The following ELAVL2 variants were observed in gnomAD, a reference collection of about 807,000 sequenced individuals.
The protein encoded by ELAVL2 is ELAV-like protein 2.
A neutral mutation model predicts 34.6 loss-of-function variants in ELAVL2; 4 were observed. The observed-to-expected ratio is 0.12, with a 90% CI of 0.06 to 0.26. ELAVL2 has a LOEUF of 0.26. Among genes scored for constraint, ELAVL2 ranks in the 10% least tolerant of loss-of-function variants. ELAVL2 has a pLI of 1.00. For synonymous variants in ELAVL2, 193 were observed against 154.8 expected, an observed-to-expected ratio of 1.25 and a Z score of -1.83; for missense variants, 432 against 442.8, an observed-to-expected ratio of 0.98 and a Z score of 0.22.
intron 3 of ELAVL2, among the ~76,000 whole-genome samples, chr9:23,708,465 G>A (rs543084076): frequency 6.6e-6 from 1 of 152,204 alleles, no homozygotes; most frequent in South Asian, 2.1e-4. Context: ...TTCTCTTTCT[G>A]TGTCCTGGTC....
chr9:23,785,727 A>C (rs1205692434), intron 1 of ELAVL2, among the ~76,000 whole-genome samples: 1 of 152,190 alleles, frequency 6.6e-6, no homozygotes, highest in Admixed American at 6.5e-5. Flanking sequence ...ATCAATCTGT[A>C]AACAGGTATT....
intron 5 of ELAVL2, 70 bp downstream of exon 5, chr9:23,701,309 G>T: frequency 6.6e-7 from 1 of 1,520,556 alleles, no homozygotes; most frequent in Non-Finnish European, 9.1e-7. Flanking sequence ...GTCAATAAAA[G>T]TACTGGACAG....
chr9:23,776,739 CAAAAAA>C (rs34583759), intron 1 of ELAVL2, among the ~76,000 whole-genome samples: 1,208 of 77,706 alleles, frequency 0.016, 15 homozygotes, highest in African/African-American at 0.05. Context: ...AGTTTGCTAT[CAAAAAA>C]AAAAAAAAAA....
intron 1 of ELAVL2, among the ~76,000 whole-genome samples, chr9:23,818,325 A>C (rs2138416548): frequency 6.6e-6 from 1 of 152,344 alleles, no homozygotes; most frequent in African/African-American, 2.4e-5. Context: ...AAAGCTACGT[A>C]ATCTGTGGGT....
In ELAVL2 at chr9:23,695,520, T is replaced by C. The variant is rs868051956; in HGVS notation, c.714-2034A>G. Among the ~76,000 whole-genome samples the C allele has an allele frequency of 1.8e-4, 28 of 152,090 alleles. 1 individual carries two copies. Among genetic ancestry groups the C allele is most frequent in the Non-Finnish European group, 2.4e-4 (16 of 68,022 alleles). The stretch of plus-strand genomic sequence containing the variant: ...ATTACCGTCAGGCCTTTTTTAACAA[T>C]GGGGATATGTTCTGAAAATGTGTCA... On this transcript the variant is annotated intron_variant, in intron 5 of 6. Coordinates refer to ENST00000397312, the MANE Select transcript of ELAVL2 (RefSeq NM_004432.5).
intron 1 of ELAVL2, among the ~76,000 whole-genome samples, chr9:23,810,202 C>T (rs2062794514): frequency 6.6e-6 from 1 of 151,996 alleles, no homozygotes; most frequent in Non-Finnish European, 1.5e-5. Context: ...ATAACCAATC[C>T]ATACTTTGTA....
At chr9:23,739,484 T>G (rs2048645825) in intron 2 of ELAVL2, among the ~76,000 whole-genome samples, 1 of 152,158 alleles carries the variant, frequency 6.6e-6, no homozygotes, top group Non-Finnish European at 1.5e-5. Context: ...TTGGGTATGC[T>G]GCAACTTTCT....
At chr9:23,750,734 AAGT>A (rs779613647) in intron 2 of ELAVL2, among the ~76,000 whole-genome samples, 1 of 152,230 alleles carries the variant, frequency 6.6e-6, no homozygotes, top group Non-Finnish European at 1.5e-5. Context: ...GATACATTTA[AAGT>A]AGAATAAGAG....
intron 2 of ELAVL2, among the ~76,000 whole-genome samples, chr9:23,743,349 C>A (rs1564215989): frequency 6.6e-6 from 1 of 152,126 alleles, no homozygotes; most frequent in East Asian, 1.9e-4. Context: ...ATCACCTCAT[C>A]CAAAAGTTGA....
At chr9:23,819,545 T>G (rs1183566524) in intron 1 of ELAVL2, among the ~76,000 whole-genome samples, 1 of 151,988 alleles carries the variant, frequency 6.6e-6, no homozygotes, top group Non-Finnish European at 1.5e-5. Flanking sequence ...TGAATATAGC[T>G]GACTTGATTG....
intron 5 of ELAVL2, among the ~76,000 whole-genome samples, chr9:23,696,696 T>A (rs2035373039): frequency 1.3e-5 from 2 of 151,984 alleles, no homozygotes; most frequent in African/African-American, 2.4e-5. Flanking sequence ...GGTCTCGATC[T>A]CCTGACCTCG....
At chr9:23,750,555 T>C (rs2051694078) in intron 2 of ELAVL2, among the ~76,000 whole-genome samples, 1 of 152,092 alleles carries the variant, frequency 6.6e-6, no homozygotes, top group South Asian at 2.1e-4. Flanking sequence ...CAAAATCACT[T>C]GGCACCATGT....
chr9:23,754,874 G>A (rs532948003), intron 2 of ELAVL2, among the ~76,000 whole-genome samples: 2 of 152,278 alleles, frequency 1.3e-5, no homozygotes, highest in East Asian at 3.9e-4. Flanking sequence ...CCCATGGGAA[G>A]ATGTCTCTCT....
At chr9:23,726,187 G>T (rs991446325) in intron 3 of ELAVL2, among the ~76,000 whole-genome samples, 1 of 151,970 alleles carries the variant, frequency 6.6e-6, no homozygotes, top group Non-Finnish European at 1.5e-5. Context: ...TAGAATACAG[G>T]TTTCTTAGGT....
intron 1 of ELAVL2, among the ~76,000 whole-genome samples, chr9:23,820,093 C>T (rs1272662473): frequency 6.6e-6 from 1 of 152,098 alleles, no homozygotes; most frequent in African/African-American, 2.4e-5. Flanking sequence ...AAAATGGAAA[C>T]TCCAGGTCAG....
chr9:23,802,215 C>T lies in ELAVL2; in HGVS notation c.-16+23591G>A, dbSNP rs149092083. On this transcript the variant is annotated intron_variant, in intron 1 of 6. Transcript: ENST00000397312. ...ATTTTTAGCTCATGTGACCTTCCAA[C>T]GTGCTCCAAGTATGTTGTATGTAGA... 1.8e-3 allele frequency among the ~76,000 whole-genome samples: 272 copies of T among 152,194 alleles called. 1 individual carries two copies. Among genetic ancestry groups the T allele is most frequent in the African/African-American group, 6.3e-3 (261 of 41,530 alleles).
Position 23,826,097 on chromosome 9 carries a change from ACAAAC to A in ELAVL2, c.-312_-308del, listed in dbSNP as rs1010583899. 2.0e-4 allele frequency: 31 copies of A among 152,366 alleles called. No individual in the cohort carries two copies. The highest frequency in any genetic ancestry group is 6.0e-4 in the African/African-American group (25 of 41,586). 9.4% of individuals were successfully genotyped at this position (152,366 alleles called of 1,614,324 possible). On this transcript the variant is annotated 5_prime_UTR_variant, in exon 1 of 7. Transcript: ENST00000397312. The stretch of plus-strand genomic sequence containing the variant: ...AACTAAACAAAAAGGGGCAAGAAAA[ACAAAC>A]CAAGGAACAAAGAAAAGAGACGAAA...
chr9:23,777,917 C>G (rs1407877591), intron 1 of ELAVL2, among the ~76,000 whole-genome samples: 1 of 152,158 alleles, frequency 6.6e-6, no homozygotes, highest in African/African-American at 2.4e-5. Context: ...CCAAGGTTGA[C>G]TACACATTAA....
At chr9:23,733,693 G>A (rs1267434289) in intron 2 of ELAVL2, among the ~76,000 whole-genome samples, 1 of 152,182 alleles carries the variant, frequency 6.6e-6, no homozygotes, top group African/African-American at 2.4e-5. Context: ...AGCCTGTCTT[G>A]CTTACTTCCT....
Sources: allele counts gnomAD v4.1 joint callset (sites outside exome capture counted in the v4.1 genomes callset), GRCh38; gene constraint gnomAD v4.1.1; transcripts MANE v1.5; gene names NCBI Gene and HGNC (gene_info 2026-07-23, HGNC 2026-07-21).